ABCD3: variants seen among roughly 807,000 people sequenced by gnomAD.
ABCD3 encodes the protein ATP binding cassette subfamily D member 3, also known as ATP-binding cassette sub-family D member 3.
In ABCD3, 41 loss-of-function variants were observed where a neutral mutation model predicts 105.5. The observed-to-expected ratio is 0.39, with a 90% CI of 0.30 to 0.50. The LOEUF is 0.50. Ranked by LOEUF, ABCD3 falls within the 20% of genes least tolerant of loss-of-function variation. ABCD3 has a pLI of 0.84. For missense variants in ABCD3, 622 were observed against 806.3 expected (o/e 0.77, Z 2.77); for synonymous variants, 258 against 269.0 (o/e 0.96, Z 0.40).
intron 1 of ABCD3, among the ~76,000 whole-genome samples, chr1:94,455,992 A>G (rs1647536216): frequency 6.6e-6 from 1 of 152,108 alleles, no homozygotes; most frequent in Non-Finnish European, 1.5e-5. Flanking sequence ...ACTATTATCA[A>G]GCTATAGTCA....
chr1:94,494,949 T>TTAC (rs1649725102), intron 16 of ABCD3, among the ~76,000 whole-genome samples: 1 of 152,088 alleles, frequency 6.6e-6, no homozygotes, highest in Admixed American at 6.5e-5. Flanking sequence ...GGTGTGGTGG[T>TTAC]GCACACCTTT....
intron 21 of ABCD3, among the ~76,000 whole-genome samples, chr1:94,508,580 G>A (rs1486230984): frequency 1.5e-4 from 23 of 150,352 alleles, no homozygotes; most frequent in Non-Finnish European, 1.9e-4. Flanking sequence ...AATTACCTTG[G>A]GCAGTATGGC....
At chr1:94,433,633 T>G (rs7413954) in intron 1 of ABCD3, among the ~76,000 whole-genome samples, 36 of 151,960 alleles carry the variant, frequency 2.4e-4, no homozygotes, top group African/African-American at 7.0e-4. Context: ...GGTCAGTTTT[T>G]TTTTTTTTTT....
chr1:94,476,937 G>A (rs1466099964), intron 7 of ABCD3, among the ~76,000 whole-genome samples: 1 of 149,958 alleles, frequency 6.7e-6, no homozygotes, highest in African/African-American at 2.4e-5. Flanking sequence ...ATGCATGCAT[G>A]CATGGTGGGA....
intron 10 of ABCD3, among the ~76,000 whole-genome samples, chr1:94,486,604 A>G (rs1053831879): frequency 2.6e-5 from 4 of 152,224 alleles, no homozygotes; most frequent in African/African-American, 9.6e-5. Context: ...GTATAATTTC[A>G]GGTAGTAATG....
chr1:94,435,539 G>T (rs1050552151), intron 1 of ABCD3, among the ~76,000 whole-genome samples: 2 of 152,258 alleles, frequency 1.3e-5, no homozygotes, highest in Admixed American at 1.3e-4. Flanking sequence ...TTGCAAAAAA[G>T]AGAGTTATAG....
At chr1:94,503,908 T>G (rs1650227841) in intron 20 of ABCD3, among the ~76,000 whole-genome samples, 1 of 121,076 alleles carries the variant, frequency 8.3e-6, no homozygotes, top group Non-Finnish European at 1.6e-5. Flanking sequence ...AAGTGATTCT[T>G]TTTTTTTTTT....
chr1:94,473,082 G>A (rs1648563729), intron 4 of ABCD3, among the ~76,000 whole-genome samples: 1 of 152,174 alleles, frequency 6.6e-6, no homozygotes, highest in South Asian at 2.1e-4. Context: ...GCTGAAGTGT[G>A]TTGAGGAACA....
Position 94,418,510 on chromosome 1 carries a change from G to A in ABCD3, c.32G>A (p.Arg11Gln). The A allele has an allele frequency of 1.2e-6, 2 of 1,605,500 alleles. No homozygotes were observed. Among genetic ancestry groups the A allele is most frequent in the Non-Finnish European group, 1.7e-6 (2 of 1,179,116 alleles). The change falls in exon 1 of 23, where the codon CGA (arginine) becomes CAA (glutamine). Residue 11 changes from arginine (R) to glutamine (Q), a missense_variant. By Grantham distance (43) the Arg-to-Gln change is conservative (BLOSUM62 1). This residue lies in a region of ABCD3 where 89 missense variants were observed against 77.5 expected (regional missense o/e 1.15). Coordinates refer to ENST00000370214, the MANE Select transcript of ABCD3 (RefSeq NM_002858.4). Reference sequence around the variant, plus strand: ...GCCTTCAGCAAGTACTTGACGGCGCGAAACTCCTCGCTGGCTGGTGCCGCG... The same window carrying A: ...GCCTTCAGCAAGTACTTGACGGCGCAAAACTCCTCGCTGGCTGGTGCCGCG... MAAFSKYLTA[R>Q]NSSLAGAAFL...
chr1:94,511,852 T>G (rs1189103647), intron 21 of ABCD3, among the ~76,000 whole-genome samples: 2 of 152,106 alleles, frequency 1.3e-5, no homozygotes, highest in Non-Finnish European at 2.9e-5. Flanking sequence ...TCAGCTCCTT[T>G]AAGCACTTCC....
At chr1:94,447,498 A>G (rs1336950503) in intron 1 of ABCD3, among the ~76,000 whole-genome samples, 1 of 152,226 alleles carries the variant, frequency 6.6e-6, no homozygotes, top group Non-Finnish European at 1.5e-5. Context: ...TGCAGTAAAC[A>G]ACCTACAGCC....
intron 1 of ABCD3, among the ~76,000 whole-genome samples, chr1:94,448,502 A>G (rs1557667000): frequency 6.6e-6 from 1 of 152,360 alleles, no homozygotes; most frequent in Middle Eastern, 3.4e-3. Flanking sequence ...ATCAAAAGGT[A>G]AAGTTTTCCA....
At chr1:94,390,051 G>C in the ABCD3 span, among the ~76,000 whole-genome samples, 3 of 152,022 alleles carry the variant, frequency 2.0e-5, no homozygotes, top group South Asian at 6.2e-4. Flanking sequence ...AACTCCTTTG[G>C]TCCTTACTGA....
intron 4 of ABCD3, among the ~76,000 whole-genome samples, chr1:94,470,632 T>C (rs1275279992): frequency 1.3e-5 from 2 of 152,274 alleles, no homozygotes; most frequent in East Asian, 3.9e-4. Context: ...TAGAAACTTA[T>C]TCTTCATTTG....
chr1:94,408,515 A>G, the ABCD3 span, among the ~76,000 whole-genome samples: 1 of 151,982 alleles, frequency 6.6e-6, no homozygotes. Flanking sequence ...AATTGCTTCA[A>G]CTCAGGAGAA....
At chr1:94,503,433 A>G (rs779820971) in intron 20 of ABCD3, among the ~76,000 whole-genome samples, 3 of 152,094 alleles carry the variant, frequency 2.0e-5, no homozygotes, top group Non-Finnish European at 4.4e-5. Context: ...AAAGGCAAAT[A>G]CTTCCATCTA....
chr1:94,470,752 CT>C (rs1648415789), intron 4 of ABCD3, among the ~76,000 whole-genome samples: 1 of 151,898 alleles, frequency 6.6e-6, no homozygotes, highest in Non-Finnish European at 1.5e-5. Flanking sequence ...TATAATTTCT[CT>C]TCTATTTTTG....
chr1:94,388,952 C>T, the ABCD3 span, among the ~76,000 whole-genome samples: 3 of 152,100 alleles, frequency 2.0e-5, no homozygotes, highest in Non-Finnish European at 4.4e-5. Context: ...AATTGCCCAT[C>T]TGAGTGAAGA....
intron 7 of ABCD3, among the ~76,000 whole-genome samples, chr1:94,477,791 G>A (rs1314174345): frequency 6.7e-6 from 1 of 148,462 alleles, no homozygotes; most frequent in African/African-American, 2.4e-5. Context: ...TGATTATTTT[G>A]CCATGGAAGT....
Sources: allele counts gnomAD v4.1 joint callset (sites outside exome capture counted in the v4.1 genomes callset), GRCh38; gene constraint gnomAD v4.1.1; regional missense constraint gnomAD v4.1.1; transcripts MANE v1.5; gene names NCBI Gene and HGNC (gene_info 2026-07-23, HGNC 2026-07-21).